Variants in MECOM observed in about 807,000 individuals in gnomAD.
The protein encoded by MECOM is histone-lysine N-methyltransferase MECOM.
A neutral mutation model predicts 116.3 loss-of-function variants in MECOM; 13 were observed. The observed-to-expected ratio is 0.11, with a 90% CI of 0.07 to 0.18. The LOEUF (loss-of-function observed/expected upper bound fraction) is 0.18. Ranked by LOEUF, MECOM falls within the 10% of genes least tolerant of loss-of-function variation. MECOM has a pLI of 1.00. For missense variants in MECOM, 1,299 were observed against 1,509.0 expected, an observed-to-expected ratio of 0.86 and a Z score of 2.31; for synonymous variants, 528 against 535.2, an observed-to-expected ratio of 0.99 and a Z score of 0.19.
chr3:169,572,540 A>G (rs757571320), intron 1 of MECOM, among the ~76,000 whole-genome samples: 57 of 152,184 alleles, frequency 3.7e-4, no homozygotes, highest in Non-Finnish European at 7.2e-4. Context: ...ACACATGCAC[A>G]CATATGTTTA....
chr3:169,089,207 C>A (rs2148842178), intron 15 of MECOM, 24 bp from the exon 16 acceptor site: 3 of 1,442,312 alleles, frequency 2.1e-6, no homozygotes, highest in Non-Finnish European at 2.7e-6. Context: ...ACGAAAAACA[C>A]AGAAATTTTC....
intron 1 of MECOM, among the ~76,000 whole-genome samples, chr3:169,569,092 G>A (rs1190959828): frequency 6.6e-6 from 1 of 151,736 alleles, no homozygotes; most frequent in Non-Finnish European, 1.5e-5. Context: ...GTGTTCAGGA[G>A]ACCCATCTCA....
At chr3:169,438,201 T>TTC (rs1743023980) in intron 1 of MECOM, among the ~76,000 whole-genome samples, 1 of 152,202 alleles carries the variant, frequency 6.6e-6, no homozygotes, top group African/African-American at 2.4e-5. Context: ...CACTCTGGGC[T>TTC]TCACCCAGTA....
chr3:169,190,074 G>C (rs1357037635), intron 2 of MECOM, among the ~76,000 whole-genome samples: 1 of 151,972 alleles, frequency 6.6e-6, no homozygotes, highest in Admixed American at 6.6e-5. Flanking sequence ...AATCATAAAA[G>C]AGATAAATAA....
chr3:169,518,463 C>T (rs1181465047), intron 1 of MECOM, among the ~76,000 whole-genome samples: 1 of 152,104 alleles, frequency 6.6e-6, no homozygotes, highest in Non-Finnish European at 1.5e-5. Flanking sequence ...ATTCTGGCAA[C>T]TGGACTCATT....
chr3:169,354,221 C>T (rs1726862522), intron 2 of MECOM, among the ~76,000 whole-genome samples: 1 of 151,566 alleles, frequency 6.6e-6, no homozygotes, highest in African/African-American at 2.4e-5. Flanking sequence ...AATCTCAAAC[C>T]CCAGTAAATA....
chr3:169,125,828 C>T (rs1445919357), intron 5 of MECOM, among the ~76,000 whole-genome samples: 1 of 152,038 alleles, frequency 6.6e-6, no homozygotes, highest in East Asian at 1.9e-4. Context: ...CTTTCTTGCT[C>T]CTATTTTTTT....
At chr3:169,307,136 G>A (rs1273904784) in intron 2 of MECOM, among the ~76,000 whole-genome samples, 2 of 152,048 alleles carry the variant, frequency 1.3e-5, no homozygotes, top group Admixed American at 6.6e-5. Flanking sequence ...AATTACCCTA[G>A]TTTCCCTCAC....
chr3:169,398,619 G>A (rs1262858601), intron 1 of MECOM, among the ~76,000 whole-genome samples: 3 of 152,124 alleles, frequency 2.0e-5, no homozygotes, highest in Non-Finnish European at 4.4e-5. Context: ...CCTCTGGAAT[G>A]CGGCTTCCCT....
intron 1 of MECOM, among the ~76,000 whole-genome samples, chr3:169,475,846 A>G (rs777513141): frequency 1.3e-5 from 2 of 152,202 alleles, no homozygotes; most frequent in Non-Finnish European, 2.9e-5. Context: ...GTTAGGAGCT[A>G]GCATGGATGT....
chr3:169,475,737 CA>C (rs1750264727), intron 1 of MECOM, among the ~76,000 whole-genome samples: 1 of 150,562 alleles, frequency 6.6e-6, no homozygotes. Context: ...CCTAGCTTGC[CA>C]ATTAAAAAAA....
chr3:169,158,702 T>C (rs138238807), intron 2 of MECOM, among the ~76,000 whole-genome samples: 2 of 152,314 alleles, frequency 1.3e-5, no homozygotes, highest in African/African-American at 2.4e-5. Context: ...AAAAATTTGA[T>C]TATACTTGAT....
At chr3:169,660,472 C>T (rs79059110) in intron 1 of MECOM, among the ~76,000 whole-genome samples, 2,165 of 152,116 alleles carry the variant, frequency 0.014, 25 homozygotes, top group Non-Finnish European at 0.025. Flanking sequence ...GGTCTCTGGT[C>T]TAGGTCCATG....
chr3:169,149,659 C>T (rs1375589215), intron 2 of MECOM: 4 of 503,774 alleles, frequency 7.9e-6, no homozygotes, highest in Non-Finnish European at 1.6e-5. Context: ...GGCATGTAGA[C>T]ATCAGCCTGA....
At chr3:169,662,566 C>T (rs935202835) in intron 1 of MECOM, among the ~76,000 whole-genome samples, 1 of 151,924 alleles carries the variant, frequency 6.6e-6, no homozygotes, top group Non-Finnish European at 1.5e-5. Flanking sequence ...CTCTGCTCTG[C>T]CCGTGCCCCC....
intron 3 of MECOM, 99 bp downstream of exon 3, chr3:169,143,599 C>A (rs1738793056): frequency 5.1e-6 from 6 of 1,182,662 alleles, no homozygotes; most frequent in Admixed American, 3.0e-5. Context: ...AACAAACAGG[C>A]CACAAGGGTC....
At chr3:169,186,730 T>C (rs1323036152) in intron 2 of MECOM, among the ~76,000 whole-genome samples, 1 of 152,128 alleles carries the variant, frequency 6.6e-6, no homozygotes, top group East Asian at 1.9e-4. Flanking sequence ...ACTTGCTAAC[T>C]AACGAACCTT....
At chr3:169,233,336 C>T (rs1753649209) in intron 2 of MECOM, among the ~76,000 whole-genome samples, 1 of 152,068 alleles carries the variant, frequency 6.6e-6, no homozygotes, top group South Asian at 2.1e-4. Context: ...GAAATGTCAT[C>T]TGGGGATGAA....
intron 14 of MECOM, among the ~76,000 whole-genome samples, chr3:169,091,491 T>G (rs1399261089): frequency 6.6e-6 from 1 of 152,134 alleles, no homozygotes; most frequent in Admixed American, 6.6e-5. Context: ...CCAAATGGTG[T>G]GTTTTGTTCA....
Sources: allele counts gnomAD v4.1 joint callset (sites outside exome capture counted in the v4.1 genomes callset), GRCh38; gene constraint gnomAD v4.1.1; transcripts MANE v1.5; gene names NCBI Gene and HGNC (gene_info 2026-07-23, HGNC 2026-07-21).